Variants in SEL1L3 observed in about 807,000 individuals in gnomAD.
The protein encoded by SEL1L3 is SEL1L family member 3, also known as protein sel-1 homolog 3.
SEL1L3 carries 76 observed loss-of-function variants against 142.8 expected under a neutral mutation model. That is an observed-to-expected ratio of 0.53 (90% CI 0.44 to 0.64). SEL1L3 has a LOEUF of 0.64. Among genes scored for constraint, SEL1L3 ranks in the 30% least tolerant of loss-of-function variants. The pLI is 0.00. For missense variants in SEL1L3, 1,262 were observed against 1,381.7 expected, an observed-to-expected ratio of 0.91 and a Z score of 1.37; for synonymous variants, 504 against 519.6, an observed-to-expected ratio of 0.97 and a Z score of 0.41.
intron 23 of SEL1L3, among the ~76,000 whole-genome samples, chr4:25,749,950 C>T (rs867408458): frequency 2.0e-5 from 3 of 152,190 alleles, no homozygotes; most frequent in African/African-American, 7.2e-5. Flanking sequence ...AACCCAGCCA[C>T]AGGCCGGGCG....
intron 9 of SEL1L3, 33 bp downstream of exon 9, chr4:25,818,105 C>G (rs375172874): frequency 1.9e-6 from 3 of 1,602,350 alleles, no homozygotes; most frequent in Non-Finnish European, 2.6e-6. Context: ...CCTTTCTAAC[C>G]AGCGCCTAAA....
At chr4:25,835,019 G>T (rs1418822944) in intron 3 of SEL1L3, among the ~76,000 whole-genome samples, 178 bp downstream of exon 3, 1 of 152,048 alleles carries the variant, frequency 6.6e-6, no homozygotes, top group Non-Finnish European at 1.5e-5. Context: ...AATAATTCAA[G>T]ACTCATTTGA....
chr4:25,838,245 CT>C (rs1347447610), intron 2 of SEL1L3, among the ~76,000 whole-genome samples: 2 of 152,068 alleles, frequency 1.3e-5, no homozygotes, highest in Non-Finnish European at 2.9e-5. Context: ...GCATGAAGAG[CT>C]TAGGTTAAAC....
intron 9 of SEL1L3, among the ~76,000 whole-genome samples, chr4:25,806,342 T>G (rs1317612646): frequency 6.9e-6 from 1 of 144,572 alleles, no homozygotes; most frequent in African/African-American, 2.6e-5. Flanking sequence ...CGGCAAAATG[T>G]TTTTTTTTTT....
downstream of SEL1L3, among the ~76,000 whole-genome samples, chr4:25,742,882 G>A (rs986781143): frequency 1.2e-4 from 18 of 152,172 alleles, no homozygotes; most frequent in Middle Eastern, 3.4e-3. Context: ...CCAGAGTACC[G>A]CTTCCCCAGC....
At chr4:25,752,788 T>A (rs2109112174) in intron 23 of SEL1L3, among the ~76,000 whole-genome samples, 1 of 152,300 alleles carries the variant, frequency 6.6e-6, no homozygotes, top group South Asian at 2.1e-4. Context: ...GCCCCGCTAA[T>A]TTTTGTATTT....
At chr4:25,743,698 C>T (rs764624830), downstream of SEL1L3, among the ~76,000 whole-genome samples, 2 of 152,138 alleles carry the variant, frequency 1.3e-5, no homozygotes, top group Non-Finnish European at 2.9e-5. Context: ...CAATCAGATA[C>T]GCATTTATCT....
At chr4:25,809,011 T>G (rs1251443924) in intron 9 of SEL1L3, among the ~76,000 whole-genome samples, 1 of 143,102 alleles carries the variant, frequency 7.0e-6, no homozygotes, top group Non-Finnish European at 1.5e-5. Context: ...AGGCAGAGCT[T>G]GCAGTGAGCC....
At chr4:25,743,764 A>T (rs1477311473), downstream of SEL1L3, among the ~76,000 whole-genome samples, 1 of 152,210 alleles carries the variant, frequency 6.6e-6, no homozygotes, top group African/African-American at 2.4e-5. Flanking sequence ...TCCCTTAAGC[A>T]GTTCCCAGCT....
chr4:25,837,485 A>T (rs1379172741), intron 2 of SEL1L3, among the ~76,000 whole-genome samples: 1 of 151,790 alleles, frequency 6.6e-6, no homozygotes, highest in Non-Finnish European at 1.5e-5. Flanking sequence ...AAAATAAAGC[A>T]GGTCAAACGG....
the SEL1L3 span, among the ~76,000 whole-genome samples, chr4:25,721,660 G>A: frequency 0.022 from 3,384 of 152,278 alleles, 119 homozygotes; most frequent in African/African-American, 0.077. Flanking sequence ...ACTGTTTCAT[G>A]GAGTGGTCAA....
intron 9 of SEL1L3, among the ~76,000 whole-genome samples, chr4:25,814,896 G>C (rs1714283265): frequency 6.6e-6 from 1 of 152,006 alleles, no homozygotes; most frequent in East Asian, 1.9e-4. Context: ...CCCCAAGCAA[G>C]GGCACTGTGC....
At chr4:25,777,931 G>A in intron 16 of SEL1L3, 1 of 451,052 alleles carries the variant, frequency 2.2e-6, no homozygotes, top group Non-Finnish European at 4.4e-6. Flanking sequence ...AGCTTTGTGG[G>A]CCACATATAG....
chr4:25,811,749 T>G (rs1171778742), intron 9 of SEL1L3, among the ~76,000 whole-genome samples: 7 of 103,184 alleles, frequency 6.8e-5, no homozygotes, highest in African/African-American at 1.3e-4. Context: ...TCTTTTCCTG[T>G]TTTTTTTTTT....
At chr4:25,780,788 CAT>C (rs2109167887) in intron 15 of SEL1L3, among the ~76,000 whole-genome samples, 1 of 142,732 alleles carries the variant, frequency 7.0e-6, no homozygotes, top group East Asian at 2.0e-4. Context: ...ATAAAATACA[CAT>C]AAATAAAATA....
At chr4:25,784,560 C>G (rs1266255680) in intron 13 of SEL1L3, among the ~76,000 whole-genome samples, 1 of 152,190 alleles carries the variant, frequency 6.6e-6, no homozygotes, top group East Asian at 1.9e-4. Context: ...TCCACAGGTA[C>G]TACTGGGGGA....
intron 6 of SEL1L3, among the ~76,000 whole-genome samples, chr4:25,828,697 T>A (rs1028400579): frequency 1.3e-5 from 2 of 151,602 alleles, no homozygotes; most frequent in African/African-American, 4.9e-5. Flanking sequence ...GGCCAAGAGT[T>A]TATTTATTTT....
At chr4:25,724,757 A>G in the SEL1L3 span, among the ~76,000 whole-genome samples, 175 of 94,008 alleles carry the variant, frequency 1.9e-3, 6 homozygotes, top group South Asian at 7.3e-3. Flanking sequence ...AAAAAAAAAA[A>G]AAAAAAAAAA....
At chr4:25,852,525 C>A (rs1397402417) in intron 1 of SEL1L3, among the ~76,000 whole-genome samples, 1 of 152,226 alleles carries the variant, frequency 6.6e-6, no homozygotes, top group African/African-American at 2.4e-5. Context: ...CAGAGTTTCA[C>A]CCAAGGCCAG....
Sources: allele counts gnomAD v4.1 joint callset (sites outside exome capture counted in the v4.1 genomes callset), GRCh38; gene constraint gnomAD v4.1.1; transcripts MANE v1.5; gene names NCBI Gene and HGNC (gene_info 2026-07-23, HGNC 2026-07-21).